The following EPG5 variants were observed in gnomAD, a reference collection of about 807,000 sequenced individuals.
The protein encoded by EPG5 is ectopic P granules protein 5 homolog.
A neutral mutation model predicts 302.7 loss-of-function variants in EPG5; 159 were observed. That is an observed-to-expected ratio of 0.53 (90% CI 0.46 to 0.60). The LOEUF (loss-of-function observed/expected upper bound fraction) is 0.60. Among genes scored for constraint, EPG5 ranks in the 20% least tolerant of loss-of-function variants. EPG5 has a pLI of 0.00. For synonymous variants in EPG5, 1,158 were observed against 1,136.8 expected, an observed-to-expected ratio of 1.02 and a Z score of -0.37; for missense variants, 2,896 against 3,092.4, an observed-to-expected ratio of 0.94 and a Z score of 1.51.
intron 14 of EPG5, among the ~76,000 whole-genome samples, chr18:45,923,982 G>A (rs541675135): frequency 1.2e-4 from 18 of 150,986 alleles, no homozygotes; most frequent in South Asian, 1.1e-3. Flanking sequence ...GAGCCAAATC[G>A]TGCCACTGCA....
At chr18:45,961,172 C>T (rs2051139397) in intron 1 of EPG5, among the ~76,000 whole-genome samples, 1 of 152,158 alleles carries the variant, frequency 6.6e-6, no homozygotes, top group Non-Finnish European at 1.5e-5. Context: ...TGGGTGACTG[C>T]AATAGTCTCA....
chr18:45,919,693 T>C (rs1184340167), intron 16 of EPG5, among the ~76,000 whole-genome samples: 1 of 152,090 alleles, frequency 6.6e-6, no homozygotes, highest in Admixed American at 6.5e-5. Context: ...TTTGTATTTT[T>C]AGTAGAGACG....
intron 43 of EPG5, among the ~76,000 whole-genome samples, chr18:45,854,248 C>T (rs1173969421): frequency 2.0e-5 from 3 of 152,240 alleles, no homozygotes. Flanking sequence ...CAACTATCAG[C>T]TATTTTATAA....
chr18:45,919,807 C>A (rs1297227088), intron 16 of EPG5, among the ~76,000 whole-genome samples: 2 of 152,136 alleles, frequency 1.3e-5, no homozygotes, highest in Non-Finnish European at 2.9e-5. Flanking sequence ...CCACTGCACC[C>A]GGCCTACATG....
At chr18:45,915,676 T>C in intron 19 of EPG5, 55 bp from the exon 20 acceptor site, 8 of 1,338,440 alleles carry the variant, frequency 6.0e-6, no homozygotes, top group Non-Finnish European at 8.6e-6. Flanking sequence ...ATCTTATCAA[T>C]GACCTTTACA....
In EPG5 at chr18:45,864,194, C is replaced by G. The variant is rs577374586; in HGVS notation, c.6766+1421G>C. Among the ~76,000 whole-genome samples, 8 of 152,204 alleles carry G rather than the reference C, an allele frequency of 5.3e-5. No individual in the cohort carries two copies. In the South Asian group the frequency reaches 1.7e-3, roughly 32 times the overall value. The stretch of plus-strand genomic sequence containing the variant: ...CAGACACAATCATTGCACACTGTGG[C>G]CTCGAACTCCTGGCCATCAGCAATC... On this transcript the variant is annotated intron_variant, in intron 39 of 43. Coordinates refer to ENST00000282041, the MANE Select transcript of EPG5 (RefSeq NM_020964.3).
rs1444570140 is a variant in EPG5 at position 45,867,101 on chromosome 18, G to A, written c.6412-94C>T. ...AGTCTGTGGAATAACTACTAAGATGGCCTATGGTAAGCACAGAACAGTTAT... is the reference window on the plus strand; with the variant it reads ...AGTCTGTGGAATAACTACTAAGATGACCTATGGTAAGCACAGAACAGTTAT... On this transcript the variant is annotated intron_variant, in intron 37 of 43. Coordinates refer to ENST00000282041, the MANE Select transcript of EPG5 (RefSeq NM_020964.3). 2.3e-5 allele frequency: 19 copies of A among 834,416 alleles called. No homozygotes were observed. The East Asian group carries it at 5.0e-4, about 22-fold the overall frequency. 51.7% of individuals were successfully genotyped at this position (834,416 alleles called of 1,614,324 possible).
rs553955256 is a variant in EPG5, at chr18:45,901,290, G to C, written c.4475-123C>G. The C allele has an allele frequency of 3.1e-4, 242 of 791,754 alleles. No individual in the cohort carries two copies. The African/African-American group carries it at 3.9e-3, about 13-fold the overall frequency. 49.0% of individuals were successfully genotyped at this position (791,754 alleles called of 1,614,324 possible). On this transcript the variant is annotated intron_variant, in intron 25 of 43. Coordinates refer to ENST00000282041, the MANE Select transcript of EPG5 (RefSeq NM_020964.3). ...AATTTATAGTCTTACGATAGTTGAA[G>C]AGTTAAAGCTCATGATCTTAAATTA...
chr18:45,911,533 C>T (rs969634908), intron 22 of EPG5, among the ~76,000 whole-genome samples: 1 of 152,048 alleles, frequency 6.6e-6, no homozygotes, highest in Admixed American at 6.6e-5. Context: ...ATCTCATGAT[C>T]CACCCGCCTC....
downstream of EPG5, among the ~76,000 whole-genome samples, chr18:45,846,694 A>C (rs565987083): frequency 4.6e-5 from 7 of 152,332 alleles, no homozygotes; most frequent in Admixed American, 1.3e-4. Flanking sequence ...GACCTCGAGC[A>C]AGAAAGAATT....
rs1292162746 is a variant in EPG5, at chr18:45,847,892, CAATG to C, written c.*4571_*4574del. On this transcript the variant is annotated 3_prime_UTR_variant, in exon 44 of 44. Transcript: ENST00000282041. ...AAGAAAAATAAATTCTATCAGTGCT[CAATG>C]AGAGACAGTACATCTGTACATTAAA... The C allele has an allele frequency of 1.3e-5, 2 of 152,306 alleles. No homozygotes were observed. The highest frequency in any genetic ancestry group is 2.4e-5 in the African/African-American group (1 of 41,322). The allele number at this position is 152,306 out of a possible 1,614,324, so 9.4% of individuals were successfully genotyped here. A position where few individuals can be genotyped will look rare whatever the true frequency, so the allele number is the denominator to read the frequency against.
downstream of EPG5, among the ~76,000 whole-genome samples, chr18:45,844,845 C>G (rs1413452961): frequency 6.6e-6 from 1 of 152,172 alleles, no homozygotes. Flanking sequence ...GTTAAGGACA[C>G]AGGAGTGGTG....
At chr18:45,813,854 G>A in the EPG5 span, among the ~76,000 whole-genome samples, 5 of 151,818 alleles carry the variant, frequency 3.3e-5, no homozygotes, top group Admixed American at 1.3e-4. Context: ...CATGGCGCAC[G>A]TATACATATG....
At chr18:45,818,112 C>T in the EPG5 span, among the ~76,000 whole-genome samples, 4 of 152,184 alleles carry the variant, frequency 2.6e-5, no homozygotes, top group Admixed American at 6.5e-5. Context: ...TAAATCAGCA[C>T]ATACATATAT....
chr18:45,901,765 C>CCCCA (rs373089028), intron 25 of EPG5, among the ~76,000 whole-genome samples: 1 of 146,660 alleles, frequency 6.8e-6, no homozygotes, highest in African/African-American at 2.5e-5. Context: ...CAATCCTGTG[C>CCCCA]CACACACACA....
chr18:45,816,163 C>T, the EPG5 span, among the ~76,000 whole-genome samples: 3 of 152,248 alleles, frequency 2.0e-5, no homozygotes, highest in Non-Finnish European at 4.4e-5. Flanking sequence ...GGACTTAAAC[C>T]TAAGACTTGA....
chr18:45,956,535 C>T (rs2051036887), intron 1 of EPG5, among the ~76,000 whole-genome samples: 1 of 151,972 alleles, frequency 6.6e-6, no homozygotes, highest in Non-Finnish European at 1.5e-5. Flanking sequence ...CGGCTCACTG[C>T]AACCTCCGCC....
intron 3 of EPG5, 93 bp downstream of exon 3, chr18:45,952,307 G>T: frequency 6.8e-7 from 1 of 1,460,540 alleles, no homozygotes; most frequent in Non-Finnish European, 9.2e-7. Flanking sequence ...TACCTTGTAA[G>T]ACCAATTACT....
chr18:45,910,533 T>G lies in EPG5; in HGVS notation c.4193A>C (p.Lys1398Thr), dbSNP rs1443737412. ...PGYLTSPELHKELVRLFNVYI... is the reference protein window; with the variant it reads ...PGYLTSPELHTELVRLFNVYI... ...TAACCATACTCACCTCACCAGCTCC[T>G]TGTGCAGTTCTGGTGAAGTCAGGTA... The change falls in exon 23 of 44, where the codon AAG becomes ACG. Residue 1398 changes from lysine (K) to threonine (T), a missense_variant. Around this residue, in one of 5 missense-constraint regions of EPG5, gnomAD observed 790 missense variants for 798.0 expected, o/e 0.99. Coordinates refer to ENST00000282041, the MANE Select transcript of EPG5 (RefSeq NM_020964.3). 1.9e-6 allele frequency: 3 copies of G among 1,608,378 alleles called. No homozygotes were observed. In the East Asian group the frequency reaches 6.7e-5, roughly 36 times the overall value.
Sources: allele counts gnomAD v4.1 joint callset (sites outside exome capture counted in the v4.1 genomes callset), GRCh38; gene constraint gnomAD v4.1.1; regional missense constraint gnomAD v4.1.1; transcripts MANE v1.5; gene names NCBI Gene and HGNC (gene_info 2026-07-23, HGNC 2026-07-21).